GALNTL6: variants seen among roughly 807,000 people sequenced by gnomAD.
GALNTL6 encodes the protein polypeptide N-acetylgalactosaminyltransferase-like 6.
GALNTL6 carries 46 observed loss-of-function variants against 73.7 expected under a neutral mutation model. That is an observed-to-expected ratio of 0.62 (90% CI 0.49 to 0.80). GALNTL6 has a LOEUF of 0.80. Among genes scored for constraint, GALNTL6 ranks in the 30% least tolerant of loss-of-function variants. The pLI is 0.00. For synonymous variants in GALNTL6, 259 were observed against 263.7 expected (o/e 0.98, Z 0.17); for missense variants, 604 against 755.0 (o/e 0.80, Z 2.34).
intron 2 of GALNTL6, among the ~76,000 whole-genome samples, chr4:171,914,126 G>T (rs1208384093): frequency 6.6e-6 from 1 of 152,204 alleles, no homozygotes; most frequent in East Asian, 1.9e-4. Context: ...ACACTATAGA[G>T]CAGAGGACTG....
At chr4:172,472,873 TG>T (rs1370364855) in intron 5 of GALNTL6, among the ~76,000 whole-genome samples, 1 of 152,184 alleles carries the variant, frequency 6.6e-6, no homozygotes, top group African/African-American at 2.4e-5. Flanking sequence ...ATAAGTTTTT[TG>T]TTGCTTTAAG....
At chr4:172,180,232 C>T (rs1447268795) in intron 2 of GALNTL6, among the ~76,000 whole-genome samples, 1 of 152,118 alleles carries the variant, frequency 6.6e-6, no homozygotes, top group Non-Finnish European at 1.5e-5. Flanking sequence ...TTGTTGGCCA[C>T]ATTAATGTTT....
rs188054362 is a variant in GALNTL6 at position 172,955,668 on chromosome 4, G to A, written c.1371+3410G>A. ...ACATTTTATATTTACTTTCACTCGC[G>A]TCCCTGTGAAGACACCACCAAACAG... On this transcript the variant is annotated intron_variant, in intron 10 of 12. Transcript: ENST00000506823. Among the ~76,000 whole-genome samples the A allele has an allele frequency of 3.4e-3, 521 of 151,990 alleles. 3 individuals carry two copies. Among genetic ancestry groups the A allele is most frequent in the African/African-American group, 0.011 (453 of 41,440 alleles).
rs187090164 is a variant in GALNTL6 at position 171,921,719 on chromosome 4, T to C, written c.138+107001T>C. On this transcript the variant is annotated intron_variant, in intron 2 of 12. Transcript: ENST00000506823. ...ATTTCTAATTTTATTAAGTTGATGG[T>C]GCTCTCACTTTCAAAGGAGCTTTAA... Among the ~76,000 whole-genome samples the C allele has an allele frequency of 8.4e-4, 128 of 152,234 alleles. 1 individual carries two copies. The highest frequency in any genetic ancestry group is 2.8e-3 in the African/African-American group (116 of 41,568).
At position 173,019,795 on chromosome 4, in the gene GALNTL6, A is replaced by C. The variant is rs75589402; in HGVS notation, c.1489-1681A>C. ...ACATGCTCGTTTAGGTCATTTCTTG[A>C]GACCACTTAACCCAGTTCTTTGTAT... On this transcript the variant is annotated intron_variant, in intron 11 of 12. Transcript: ENST00000506823. Among the ~76,000 whole-genome samples the C allele has an allele frequency of 6.7e-4, 102 of 152,300 alleles. No homozygotes were observed. In the East Asian group the frequency reaches 0.014, roughly 21 times the overall value.
intron 5 of GALNTL6, among the ~76,000 whole-genome samples, chr4:172,624,007 A>G (rs945562177): frequency 2.0e-5 from 3 of 152,110 alleles, no homozygotes; most frequent in Non-Finnish European, 4.4e-5. Flanking sequence ...ACAGTTTAGG[A>G]TAATGTTTCC....
chr4:173,017,601 C>T (rs1292328868), intron 11 of GALNTL6, among the ~76,000 whole-genome samples: 2 of 152,014 alleles, frequency 1.3e-5, no homozygotes, highest in African/African-American at 4.8e-5. Context: ...ATGAGCTAAT[C>T]GTAGGTGTAG....
At chr4:172,460,074 C>T (rs1732557042) in intron 5 of GALNTL6, among the ~76,000 whole-genome samples, 2 of 152,184 alleles carry the variant, frequency 1.3e-5, no homozygotes, top group African/African-American at 4.8e-5. Context: ...CACACATCTA[C>T]AACCATCTGA....
rs1553976662 is a variant in GALNTL6, at chr4:171,967,451, T to TTTTTTTTTTG, written c.138+152742_138+152743insGTTTTTTTTT. ...GTAGTTTTCTTCCCCCTATGGGTTT[T>TTTTTTTTTTG]TTTTTTTTTTTTTTGTAGATGTAGT... On this transcript the variant is annotated intron_variant, in intron 2 of 12. Transcript: ENST00000506823. Among the ~76,000 whole-genome samples, 433 of 67,874 alleles carry TTTTTTTTTTG rather than the reference T, an allele frequency of 6.4e-3. 4 individuals carry two copies. Among genetic ancestry groups the TTTTTTTTTTG allele is most frequent in the African/African-American group, 0.017 (393 of 23,112 alleles). The allele number at this position is 67,874 out of a possible 152,430, so 44.5% of individuals were successfully genotyped here. A position where few individuals can be genotyped will look rare whatever the true frequency, so the allele number is the denominator to read the frequency against.
At chr4:172,914,973 T>C (rs1485967956) in intron 8 of GALNTL6, among the ~76,000 whole-genome samples, 4 of 152,310 alleles carry the variant, frequency 2.6e-5, no homozygotes, top group African/African-American at 9.6e-5. Flanking sequence ...ATCGCACTTA[T>C]TTCAAAATTG....
At chr4:172,108,187 C>G (rs1488167171) in intron 2 of GALNTL6, among the ~76,000 whole-genome samples, 2 of 152,150 alleles carry the variant, frequency 1.3e-5, no homozygotes, top group Admixed American at 1.3e-4. Flanking sequence ...GAAAATAAAA[C>G]ATATGAGTGT....
rs1396028669 is a variant in GALNTL6, at chr4:172,705,874, AT to A, written c.554-103479del. The stretch of plus-strand genomic sequence containing the variant: ...TCAGATCTCTTTTATATATGATTTA[AT>A]TTTTTTTCTGCTTTTAGGATCCTCT... On this transcript the variant is annotated intron_variant, in intron 5 of 12. Transcript: ENST00000506823. Among the ~76,000 whole-genome samples the A allele has an allele frequency of 4.6e-5, 7 of 151,768 alleles. No individual in the cohort carries two copies. The South Asian group carries it at 6.3e-4, about 14-fold the overall frequency.
At chr4:172,961,106 T>G (rs1235575686) in intron 10 of GALNTL6, among the ~76,000 whole-genome samples, 3 of 18,848 alleles carry the variant, frequency 1.6e-4, no homozygotes, top group African/African-American at 2.2e-4. Context: ...GGTAGAGACA[T>G]GGGGAGAAGG....
chr4:171,847,711 T>C (rs1185408716), intron 2 of GALNTL6, among the ~76,000 whole-genome samples: 1 of 152,128 alleles, frequency 6.6e-6, no homozygotes, highest in African/African-American at 2.4e-5. Flanking sequence ...AAAGAAACAC[T>C]CTCTCTCTGC....
chr4:172,852,597 C>T (rs919302413), intron 7 of GALNTL6, among the ~76,000 whole-genome samples: 1 of 151,926 alleles, frequency 6.6e-6, no homozygotes, highest in African/African-American at 2.4e-5. Context: ...TATGTTTATT[C>T]GGGGTAAGGG....
At chr4:172,308,714 A>G (rs571364775) in intron 3 of GALNTL6, among the ~76,000 whole-genome samples, 5 of 152,336 alleles carry the variant, frequency 3.3e-5, no homozygotes, top group African/African-American at 1.2e-4. Flanking sequence ...ACCAGAGACT[A>G]TATAAGTCCA....
chr4:172,397,556 C>CATTTATTTATTTATTT (rs10639647), intron 5 of GALNTL6, among the ~76,000 whole-genome samples: 45 of 144,452 alleles, frequency 3.1e-4, no homozygotes, highest in South Asian at 4.4e-4. Flanking sequence ...ATAAGTATCT[C>CATTTATTTATTTATTT]ATTTATTTAT....
At chr4:171,879,754 G>T (rs1487095246) in intron 2 of GALNTL6, among the ~76,000 whole-genome samples, 1 of 152,140 alleles carries the variant, frequency 6.6e-6, no homozygotes, top group South Asian at 2.1e-4. Context: ...AGAAATATTA[G>T]AAATAGTTTT....
intron 3 of GALNTL6, among the ~76,000 whole-genome samples, chr4:172,291,511 C>G (rs981032040): frequency 6.6e-6 from 1 of 151,936 alleles, no homozygotes; most frequent in Non-Finnish European, 1.5e-5. Context: ...TCTGAATGCA[C>G]CAGATTATTA....
Sources: allele counts gnomAD v4.1 joint callset (sites outside exome capture counted in the v4.1 genomes callset), GRCh38; gene constraint gnomAD v4.1.1; transcripts MANE v1.5; gene names NCBI Gene and HGNC (gene_info 2026-07-23, HGNC 2026-07-21).